LAMB4: variants seen among roughly 807,000 people sequenced by gnomAD.
LAMB4 encodes laminin subunit beta-4.
A neutral mutation model predicts 199.2 loss-of-function variants in LAMB4; 196 were observed. The observed-to-expected ratio is 0.98, with a 90% CI of 0.88 to 1.11. The LOEUF (loss-of-function observed/expected upper bound fraction) is 1.11, where lower values mean the gene tolerates loss of function less well. Among genes scored for constraint, LAMB4 ranks in the 50% least tolerant of loss-of-function variants. The pLI, the probability that LAMB4 is intolerant of heterozygous loss-of-function variation, is 0.00. For missense variants in LAMB4, 2,080 were observed against 2,171.2 expected (o/e 0.96, Z 0.83); for synonymous variants, 744 against 770.6 (o/e 0.97, Z 0.57).
At chr7:108,074,488 C>A (rs1386487873) in intron 17 of LAMB4, among the ~76,000 whole-genome samples, 1 of 152,118 alleles carries the variant, frequency 6.6e-6, no homozygotes, top group African/African-American at 2.4e-5. Flanking sequence ...TGTGTCTCAG[C>A]CTCCTGAGTA....
chr7:108,027,902 C>A lies in LAMB4; in HGVS notation c.5146+1141G>T, dbSNP rs2034892148. Among the ~76,000 whole-genome samples, 3 of 152,316 alleles carry A rather than the reference C, an allele frequency of 2.0e-5. No individual in the cohort carries two copies. In the South Asian group the frequency reaches 6.2e-4, roughly 32 times the overall value. ...GGTTCAAGCGATTCTCCTGCCTCAGCCTCCCGAGTAGCTGGGATTACAGGC... is the reference window on the plus strand; with the variant it reads ...GGTTCAAGCGATTCTCCTGCCTCAGACTCCCGAGTAGCTGGGATTACAGGC... On this transcript the variant is annotated intron_variant, in intron 33 of 33. Coordinates refer to ENST00000388781, the MANE Select transcript of LAMB4 (RefSeq NM_007356.3).
At chr7:108,052,339 C>T (rs1035976018) in intron 25 of LAMB4, 82 bp from the exon 26 acceptor site, 3 of 1,126,310 alleles carry the variant, frequency 2.7e-6, no homozygotes, top group Non-Finnish European at 2.4e-6. Flanking sequence ...CAAAATTGCC[C>T]TCATTGTTAG....
chr7:108,126,971 T>TGG (rs2038810979), intron 1 of LAMB4, among the ~76,000 whole-genome samples: 3 of 152,116 alleles, frequency 2.0e-5, no homozygotes. Flanking sequence ...GCAGAATCTC[T>TGG]GGGGTGGGAC....
At chr7:108,040,119 G>A (rs1319438815) in intron 29 of LAMB4, among the ~76,000 whole-genome samples, 3 of 152,158 alleles carry the variant, frequency 2.0e-5, no homozygotes, top group Admixed American at 2.0e-4. Flanking sequence ...ATCAGCAACA[G>A]TCAAGCCAAG....
intron 1 of LAMB4, among the ~76,000 whole-genome samples, chr7:108,126,586 C>G (rs1024386889): frequency 1.1e-5 from 1 of 91,376 alleles, no homozygotes; most frequent in Non-Finnish European, 1.9e-5. Flanking sequence ...GAGACGGAGT[C>G]TCGCTCTGTC....
At position 108,123,196 on chromosome 7, in the gene LAMB4, T is replaced by C; in HGVS notation, c.-32A>G. 6.3e-7 allele frequency: 1 copy of C among 1,584,086 alleles called. No homozygotes were observed. Among genetic ancestry groups the C allele is most frequent in the Non-Finnish European group, 8.6e-7 (1 of 1,162,862 alleles). ...GTCAGGAGATGATTAAATTCAATTC[T>C]ACTGGGTTAAAAAAAGGTTAAAGTC... On this transcript the variant is annotated splice_region_variant and 5_prime_UTR_variant, in exon 2 of 34. An upstream open reading frame in the 5' UTR loses its in-frame stop. Coordinates refer to ENST00000388781, the MANE Select transcript of LAMB4 (RefSeq NM_007356.3).
At chr7:108,055,531 C>T in intron 25 of LAMB4, 101 bp downstream of exon 25, 4 of 1,254,402 alleles carry the variant, frequency 3.2e-6, no homozygotes, top group Non-Finnish European at 4.5e-6. Context: ...CTAAAGTCAA[C>T]ATAGGTACAT....
intron 2 of LAMB4, among the ~76,000 whole-genome samples, chr7:108,117,589 T>G (rs1453363900): frequency 6.6e-6 from 1 of 152,138 alleles, no homozygotes; most frequent in African/African-American, 2.4e-5. Context: ...AGACCCCAAG[T>G]GAGGGTTCTT....
downstream of LAMB4, among the ~76,000 whole-genome samples, chr7:108,019,835 T>C (rs534084311): frequency 6.6e-6 from 1 of 152,318 alleles, no homozygotes; most frequent in Non-Finnish European, 1.5e-5. Context: ...CCCTTCATTG[T>C]GCCATGCCAG....
intron 24 of LAMB4, among the ~76,000 whole-genome samples, chr7:108,056,927 T>C (rs1042735285): frequency 1.4e-5 from 2 of 145,672 alleles, no homozygotes; most frequent in African/African-American, 5.1e-5. Context: ...GCTGTGATCA[T>C]GCCACTGCAC....
In LAMB4 at chr7:108,109,211, T is replaced by C; in HGVS notation, c.362A>G (p.Glu121Gly). 3 of 1,613,702 alleles carry C rather than the reference T, an allele frequency of 1.9e-6. No individual in the cohort carries two copies. Among genetic ancestry groups the C allele is most frequent in the Non-Finnish European group, 2.5e-6 (3 of 1,179,774 alleles). The change falls in exon 5 of 34, where the codon GAG (glutamate) becomes GGG (glycine). Residue 121 changes from glutamate to glycine, a missense_variant. Physicochemically the swap from Glu to Gly is moderately conservative, Grantham distance 98. Coordinates refer to ENST00000388781, the MANE Select transcript of LAMB4 (RefSeq NM_007356.3). The stretch of plus-strand genomic sequence containing the variant: ...AAGGTGGCTGAACCGAAATAATGCC[T>C]CTAAGTCCAGTCTGATGCTGACATG... Reference protein sequence around the residue: ...LDHVSIRLDLEALFRFSHLIL... With the variant: ...LDHVSIRLDLGALFRFSHLIL...
intron 10 of LAMB4, among the ~76,000 whole-genome samples, chr7:108,100,340 C>G (rs971969279): frequency 6.6e-6 from 1 of 152,052 alleles, no homozygotes. Context: ...CTGGAATCTG[C>G]TTATGTAAAT....
intron 30 of LAMB4, among the ~76,000 whole-genome samples, chr7:108,035,628 A>G (rs561303853): frequency 8.6e-5 from 13 of 151,440 alleles, no homozygotes; most frequent in Admixed American, 4.6e-4. Flanking sequence ...AAAAAGAAAA[A>G]AAAACGTAAG....
intron 12 of LAMB4, among the ~76,000 whole-genome samples, chr7:108,094,186 A>T (rs1413798885): frequency 1.3e-5 from 2 of 151,986 alleles, no homozygotes; most frequent in East Asian, 3.8e-4. Context: ...CGTAGCAGTT[A>T]ACCAGCCAGT....
chr7:108,111,437 T>G (rs1262146663), intron 4 of LAMB4, among the ~76,000 whole-genome samples: 1 of 152,256 alleles, frequency 6.6e-6, no homozygotes, highest in Non-Finnish European at 1.5e-5. Flanking sequence ...ACTCTCAGAC[T>G]TCCCCTGGCA....
intron 6 of LAMB4, among the ~76,000 whole-genome samples, chr7:108,106,922 C>T (rs1293809652): frequency 6.6e-6 from 1 of 152,182 alleles, no homozygotes; most frequent in Non-Finnish European, 1.5e-5. Flanking sequence ...TGAGCCATTG[C>T]TTCCCAGCTG....
chr7:108,079,331 T>C (rs1261849028), intron 15 of LAMB4, among the ~76,000 whole-genome samples: 1 of 152,214 alleles, frequency 6.6e-6, no homozygotes, highest in Non-Finnish European at 1.5e-5. Context: ...TTATTTTTCT[T>C]ATACAAACAG....
intron 11 of LAMB4, among the ~76,000 whole-genome samples, chr7:108,095,845 T>C (rs1485753299): frequency 6.6e-6 from 1 of 152,214 alleles, no homozygotes; most frequent in Non-Finnish European, 1.5e-5. Context: ...TAAAAAGACA[T>C]GCTACCAGAG....
Position 108,066,363 on chromosome 7 carries a change from C to T in LAMB4, c.2678+6G>A. ...CTAAAAATTAAAGTGCATATGAATT[C>T]CATACCTTTCACAGTTTCTGCCAGT... On this transcript the variant is annotated splice_donor_region_variant and intron_variant, in intron 20 of 33. Coordinates refer to ENST00000388781, the MANE Select transcript of LAMB4 (RefSeq NM_007356.3). 1 of 1,606,032 alleles carries T rather than the reference C, an allele frequency of 6.2e-7. No individual in the cohort carries two copies. Among genetic ancestry groups the T allele is most frequent in the East Asian group, 2.2e-5 (1 of 44,838 alleles).
Sources: allele counts gnomAD v4.1 joint callset (sites outside exome capture counted in the v4.1 genomes callset), GRCh38; gene constraint gnomAD v4.1.1; transcripts MANE v1.5; gene names NCBI Gene and HGNC (gene_info 2026-07-23, HGNC 2026-07-21).